The following WDR72 variants were observed in gnomAD, a reference collection of about 807,000 sequenced individuals.
The protein encoded by WDR72 is WD repeat domain 72, also known as WD repeat-containing protein 72.
Under a neutral mutation model 124.2 loss-of-function variants are expected in WDR72, and 120 were observed. The ratio of observed to expected loss-of-function variants is 0.97; its 90% CI spans 0.83 to 1.12. WDR72 has a LOEUF of 1.12. WDR72 is among the 50% of genes most tolerant of loss of function. The pLI is 0.00. For synonymous variants in WDR72, 452 were observed against 441.7 expected, an observed-to-expected ratio of 1.02 and a Z score of -0.29; for missense variants, 1,387 against 1,278.8, an observed-to-expected ratio of 1.08 and a Z score of -1.29.
At chr15:53,649,006 A>G (rs1290750658) in intron 14 of WDR72, among the ~76,000 whole-genome samples, 1 of 152,048 alleles carries the variant, frequency 6.6e-6, no homozygotes, top group African/African-American at 2.4e-5. Flanking sequence ...TTTACAAGAA[A>G]ATCTTTTAAT....
Position 53,714,456 on chromosome 15 carries a change from G to A in WDR72, c.569C>T (p.Ser190Phe), listed in dbSNP as rs775549952. 1.4e-5 allele frequency: 23 copies of A among 1,613,700 alleles called. No individual in the cohort carries two copies. Among genetic ancestry groups the A allele is most frequent in the East Asian group, 2.2e-5 (1 of 44,854 alleles). The change falls in exon 6 of 20, where the codon TCC becomes TTC. Residue 190 changes from serine to phenylalanine, a missense_variant. By Grantham distance (155) the Ser-to-Phe change is radical. Coordinates refer to ENST00000360509, the MANE Select transcript of WDR72 (RefSeq NM_182758.4). Reference protein sequence around the residue: ...VAGELKVWDLSSSINSIQEKQ... With the variant: ...VAGELKVWDLFSSINSIQEKQ... ...AACCTGAATGCTGTTGATAGATGAG[G>A]AAAGATCCCATACTTTGAGCTCACC...
intron 18 of WDR72, among the ~76,000 whole-genome samples, chr15:53,563,266 A>G (rs1335414724): frequency 6.6e-6 from 1 of 151,790 alleles, no homozygotes; most frequent in Non-Finnish European, 1.5e-5. Flanking sequence ...TAACAAGCAG[A>G]CTAATTTATT....
At chr15:53,558,862 A>G (rs1386358174) in intron 18 of WDR72, among the ~76,000 whole-genome samples, 1 of 152,038 alleles carries the variant, frequency 6.6e-6, no homozygotes, top group Non-Finnish European at 1.5e-5. Flanking sequence ...TGAGGCAAGA[A>G]ATGACTTCAG....
intron 14 of WDR72, among the ~76,000 whole-genome samples, chr15:53,632,945 C>A (rs887580413): frequency 6.6e-6 from 1 of 152,142 alleles, no homozygotes; most frequent in Non-Finnish European, 1.5e-5. Context: ...AAGGGAAGAG[C>A]CTTGTCTCAG....
intron 14 of WDR72, among the ~76,000 whole-genome samples, chr15:53,635,850 A>G (rs1340916126): frequency 6.6e-6 from 1 of 152,168 alleles, no homozygotes; most frequent in East Asian, 1.9e-4. Context: ...ATAAAAGTTG[A>G]AAAATAAAAA....
chr15:53,527,372 C>T (rs1566942854), intron 18 of WDR72, among the ~76,000 whole-genome samples: 2 of 151,950 alleles, frequency 1.3e-5, no homozygotes, highest in Non-Finnish European at 2.9e-5. Context: ...GCCTAGGCAG[C>T]GAACAACTCC....
intron 17 of WDR72, among the ~76,000 whole-genome samples, chr15:53,599,715 C>T (rs16966276): frequency 0.14 from 20,912 of 152,056 alleles, 2,229 homozygotes; most frequent in African/African-American, 0.3. Flanking sequence ...ATGCCCACAA[C>T]TGTGATCTAA....
At position 53,515,055 on chromosome 15, in the gene WDR72, G is replaced by GTGTATATATATGTGTGTA. The variant is rs1891374522; in HGVS notation, c.*2643_*2644insTACACACATATATATACA. ...CATATATATGTGTATATATATGTGT[G>GTGTATATATATGTGTGTA]TATATATATACACACATATATATGT... On this transcript the variant is annotated 3_prime_UTR_variant, in exon 20 of 20. Coordinates refer to ENST00000360509, the MANE Select transcript of WDR72 (RefSeq NM_182758.4). 1.0e-5 allele frequency: 1 copy of GTGTATATATATGTGTGTA among 97,140 alleles called. No homozygotes were observed. Among genetic ancestry groups the GTGTATATATATGTGTGTA allele is most frequent in the Non-Finnish European group, 2.4e-5 (1 of 41,036 alleles). The allele number at this position is 97,140 out of a possible 1,614,324, so 6.0% of individuals were successfully genotyped here.
rs201418602 is a variant in WDR72, at chr15:53,732,976, A to G, written c.153+21T>C. On this transcript the variant is annotated intron_variant, in intron 2 of 19. Coordinates refer to ENST00000360509, the MANE Select transcript of WDR72 (RefSeq NM_182758.4). ...TATTTTGTGAGTGGTGTCTGTTTCA[A>G]TATCAGTAGCTTTCACTAACCTTTA... 5.6e-5 allele frequency: 91 copies of G among 1,614,012 alleles called. No individual in the cohort carries two copies. In the East Asian group the frequency reaches 6.2e-4, roughly 11 times the overall value.
At chr15:53,613,900 A>G (rs1437630147) in intron 15 of WDR72, 143 bp from the exon 16 acceptor site, 10 of 607,756 alleles carry the variant, frequency 1.6e-5, no homozygotes, top group Non-Finnish European at 2.7e-5. Context: ...TTTCACATCA[A>G]TTTCTCTTGT....
intron 1 of WDR72, among the ~76,000 whole-genome samples, chr15:53,749,347 C>G (rs540961270): frequency 2.6e-5 from 4 of 151,982 alleles, no homozygotes; most frequent in Non-Finnish European, 5.9e-5. Flanking sequence ...GGTCTGTGAT[C>G]GTAAATATCA....
chr15:53,654,115 T>C (rs2015334912), intron 14 of WDR72, among the ~76,000 whole-genome samples: 1 of 152,162 alleles, frequency 6.6e-6, no homozygotes, highest in Non-Finnish European at 1.5e-5. Flanking sequence ...CTTTTAATTA[T>C]AATATGATGT....
intron 18 of WDR72, among the ~76,000 whole-genome samples, chr15:53,525,645 C>A (rs1322115164): frequency 6.6e-6 from 1 of 151,996 alleles, no homozygotes; most frequent in Non-Finnish European, 1.5e-5. Flanking sequence ...TTCAAAAAGG[C>A]CAGAAAGTTA....
chr15:53,648,256 TTTCC>T (rs2015113771), intron 14 of WDR72, among the ~76,000 whole-genome samples: 1 of 152,170 alleles, frequency 6.6e-6, no homozygotes, highest in African/African-American at 2.4e-5. Context: ...ATAGCAATTA[TTTCC>T]TTCCATTTGT....
intron 13 of WDR72, among the ~76,000 whole-genome samples, chr15:53,678,154 A>G (rs2016245224): frequency 6.6e-6 from 1 of 152,230 alleles, no homozygotes; most frequent in South Asian, 2.1e-4. Flanking sequence ...TGGCAAGACA[A>G]TCAGCAAATT....
At chr15:53,705,440 TTGTG>T (rs377229177) in intron 10 of WDR72, among the ~76,000 whole-genome samples, 1 of 151,488 alleles carries the variant, frequency 6.6e-6, no homozygotes, top group Non-Finnish European at 1.5e-5. Context: ...TCCATAACCT[TTGTG>T]TGTGTGTGTT....
chr15:53,612,911 AAGGAAG>A (rs2013605840), intron 16 of WDR72, among the ~76,000 whole-genome samples: 1 of 151,222 alleles, frequency 6.6e-6, no homozygotes, highest in South Asian at 2.1e-4. Flanking sequence ...GGGTGAGGGA[AAGGAAG>A]GTTGAGGGGG....
intron 18 of WDR72, among the ~76,000 whole-genome samples, chr15:53,540,356 C>T (rs907473161): frequency 3.3e-5 from 5 of 152,068 alleles, no homozygotes; most frequent in Non-Finnish European, 7.4e-5. Context: ...TCTTATTTTC[C>T]GGAGTGACCC....
At chr15:53,757,951 C>G (rs1380637390) in intron 1 of WDR72, among the ~76,000 whole-genome samples, 1 of 151,380 alleles carries the variant, frequency 6.6e-6, no homozygotes, top group Non-Finnish European at 1.5e-5. Context: ...AGATTTCACA[C>G]ACAGGGAGAA....
Sources: gnomAD v4.1 joint callset for allele counts (sites outside exome capture counted in the v4.1 genomes callset) on GRCh38, gnomAD v4.1.1 for gene constraint, MANE v1.5 for transcripts, NCBI Gene and HGNC (gene_info 2026-07-23, HGNC 2026-07-21) for gene names.